LRRN2: variants seen among roughly 807,000 people sequenced by gnomAD.
LRRN2 encodes leucine-rich repeat neuronal protein 2.
Under a neutral mutation model 35.7 loss-of-function variants are expected in LRRN2, and 10 were observed. The ratio of observed to expected loss-of-function variants is 0.28; its 90% CI spans 0.17 to 0.47. The LOEUF (loss-of-function observed/expected upper bound fraction) is 0.47, where lower values mean the gene tolerates loss of function less well. Ranked by LOEUF, LRRN2 falls within the 20% of genes least tolerant of loss-of-function variation. The pLI is 0.99. For missense variants in LRRN2, 731 were observed against 940.3 expected, an observed-to-expected ratio of 0.78 and a Z score of 2.91; for synonymous variants, 391 against 409.6, an observed-to-expected ratio of 0.95 and a Z score of 0.55.
chr1:204,651,980 G>A (rs1289610139), intron 1 of LRRN2, among the ~76,000 whole-genome samples: 1 of 152,216 alleles, frequency 6.6e-6, no homozygotes, highest in Non-Finnish European at 1.5e-5. Flanking sequence ...GTGTCTCCCA[G>A]TGCCCGGGTA....
At chr1:204,640,090 A>G (rs1667946620) in intron 1 of LRRN2, among the ~76,000 whole-genome samples, 1 of 152,208 alleles carries the variant, frequency 6.6e-6, no homozygotes, top group Non-Finnish European at 1.5e-5. Context: ...ATTATAAACC[A>G]GGTAGCTTAT....
At chr1:204,671,647 A>AGT (rs1668715369) in intron 1 of LRRN2, among the ~76,000 whole-genome samples, 1 of 144,626 alleles carries the variant, frequency 6.9e-6, no homozygotes, top group African/African-American at 2.5e-5. Flanking sequence ...GATGGTAAAA[A>AGT]AAAAAAAAAA....
At chr1:204,626,824 AAATG>A (rs1352077508) in intron 1 of LRRN2, 1 of 152,262 alleles carries the variant, frequency 6.6e-6, no homozygotes, top group Non-Finnish European at 1.5e-5. Flanking sequence ...TACATTAAAA[AAATG>A]AATAGAAAAT....
intron 1 of LRRN2, among the ~76,000 whole-genome samples, chr1:204,630,087 T>C (rs1447229467): frequency 6.6e-6 from 1 of 152,106 alleles, no homozygotes; most frequent in Non-Finnish European, 1.5e-5. Context: ...CCCCTATACA[T>C]AAAATAAAAA....
At chr1:204,684,668 T>C (rs1669027286) in intron 1 of LRRN2, among the ~76,000 whole-genome samples, 1 of 152,010 alleles carries the variant, frequency 6.6e-6, no homozygotes. Context: ...CCGTTTCCGC[T>C]TCCCCCTGAC....
chr1:204,672,153 C>A (rs1401207071), intron 1 of LRRN2, among the ~76,000 whole-genome samples: 1 of 152,186 alleles, frequency 6.6e-6, no homozygotes, highest in Non-Finnish European at 1.5e-5. Context: ...TTCTCTTGCA[C>A]ATGAAGTAGC....
At chr1:204,642,243 C>G (rs1161203409) in intron 1 of LRRN2, among the ~76,000 whole-genome samples, 2 of 152,218 alleles carry the variant, frequency 1.3e-5, no homozygotes. Flanking sequence ...ACTGACATTT[C>G]TCTAGCACCT....
intron 1 of LRRN2, among the ~76,000 whole-genome samples, chr1:204,656,745 T>C (rs923528861): frequency 1.3e-5 from 2 of 152,224 alleles, no homozygotes; most frequent in Non-Finnish European, 2.9e-5. Flanking sequence ...AGAAGTCTGC[T>C]CTATCCTAAA....
intron 1 of LRRN2, among the ~76,000 whole-genome samples, chr1:204,631,593 G>T (rs1202099220): frequency 6.6e-6 from 1 of 151,618 alleles, no homozygotes; most frequent in Non-Finnish European, 1.5e-5. Flanking sequence ...TCTACCTCAT[G>T]TAGGAAGTTA....
chr1:204,681,889 T>C (rs1247927621), intron 1 of LRRN2, among the ~76,000 whole-genome samples: 1 of 152,266 alleles, frequency 6.6e-6, no homozygotes, highest in Non-Finnish European at 1.5e-5. Flanking sequence ...TTTTAGCTAC[T>C]TCATTTTTGT....
chr1:204,634,690 C>T (rs1227391156), intron 1 of LRRN2, among the ~76,000 whole-genome samples: 2 of 152,176 alleles, frequency 1.3e-5, no homozygotes, highest in East Asian at 1.9e-4. Flanking sequence ...AAGAATCCTC[C>T]TCTACAGGTT....
chr1:204,662,588 G>C (rs1336164220), intron 1 of LRRN2, among the ~76,000 whole-genome samples: 1 of 152,142 alleles, frequency 6.6e-6, no homozygotes, highest in African/African-American at 2.4e-5. Context: ...TTATGAACTT[G>C]CAAAATGCTT....
rs115310580 is a variant in LRRN2 at position 204,651,648 on chromosome 1, A to G, written c.-226-31430T>C. The stretch of plus-strand genomic sequence containing the variant: ...GGCAAACCAGATGGCTTGTCACCAT[A>G]TGGCAGAAGGAATGGCCTGGGCAAT... On this transcript the variant is annotated intron_variant, in intron 1 of 1. Transcript: ENST00000367177. Among the ~76,000 whole-genome samples the G allele has an allele frequency of 5.5e-3, 831 of 152,284 alleles. 12 individuals carry two copies. The highest frequency in any genetic ancestry group is 0.019 in the African/African-American group (776 of 41,562).
At chr1:204,635,092 C>T (rs560056436) in intron 1 of LRRN2, among the ~76,000 whole-genome samples, 7 of 152,272 alleles carry the variant, frequency 4.6e-5, no homozygotes, top group Admixed American at 4.6e-4. Flanking sequence ...TGCCTACTCA[C>T]AGGACCATTC....
At chr1:204,671,263 G>A (rs1668703296) in intron 1 of LRRN2, among the ~76,000 whole-genome samples, 1 of 152,096 alleles carries the variant, frequency 6.6e-6, no homozygotes. Flanking sequence ...CAGAGGTTTG[G>A]GGAGGAAGGT....
intron 1 of LRRN2, among the ~76,000 whole-genome samples, chr1:204,679,046 C>T (rs1668882878): frequency 6.6e-6 from 1 of 152,144 alleles, no homozygotes; most frequent in South Asian, 2.1e-4. Flanking sequence ...ATGGCTGAGG[C>T]CTGGTGGCGC....
intron 1 of LRRN2, among the ~76,000 whole-genome samples, chr1:204,634,058 G>A (rs780212522): frequency 1.3e-5 from 2 of 152,172 alleles, no homozygotes; most frequent in African/African-American, 2.4e-5. Flanking sequence ...CAATGACTGC[G>A]GCAAGTACAA....
intron 1 of LRRN2, among the ~76,000 whole-genome samples, chr1:204,672,084 G>A (rs920865660): frequency 1.3e-5 from 2 of 152,218 alleles, no homozygotes; most frequent in African/African-American, 4.8e-5. Context: ...AGGTGAGTGG[G>A]GAGGATGTCG....
At position 204,618,989 on chromosome 1, in the gene LRRN2, G is replaced by C; in HGVS notation, c.1004C>G (p.Pro335Arg). Residue 335 changes from proline (P) to arginine (R), a missense_variant, in exon 2 of 2, where the codon CCC becomes CGC. By Grantham distance (103) the Pro-to-Arg change is moderately radical. Transcript: ENST00000367177. ...GTTGAGCATGAGGGTCTCCATCTGG[G>C]GCAGGTGGTGGAAGGCGCGGGGGTG... is the stretch of plus-strand genomic sequence containing the variant. ...FIHPRAFHHL[P>R]QMETLMLNNN... is the part of the protein sequence containing the mutation. The C allele has an allele frequency of 1.9e-6, 3 of 1,613,148 alleles. No individual in the cohort carries two copies. Among genetic ancestry groups the C allele is most frequent in the Non-Finnish European group, 2.5e-6 (3 of 1,179,258 alleles).
Sources: allele counts gnomAD v4.1 joint callset (sites outside exome capture counted in the v4.1 genomes callset), GRCh38; gene constraint gnomAD v4.1.1; transcripts MANE v1.5; gene names NCBI Gene and HGNC (gene_info 2026-07-23, HGNC 2026-07-21).